Variants in NIF3L1 observed in about 807,000 individuals in gnomAD.
The protein encoded by NIF3L1 is NGG1 interacting factor 3 like 1.
NIF3L1 carries 26 observed loss-of-function variants against 35.0 expected under a neutral mutation model. That is an observed-to-expected ratio of 0.74 (90% CI 0.54 to 1.03). The LOEUF is 1.03. Ranked by LOEUF, NIF3L1 falls within the 50% of genes least tolerant of loss-of-function variation. The probability of loss-of-function intolerance (pLI) is 0.00; values close to 1 mark genes in which losing one functional copy is unlikely to be tolerated. For missense variants in NIF3L1, 449 were observed against 466.3 expected (o/e 0.96, Z 0.34); for synonymous variants, 157 against 178.9 (o/e 0.88, Z 0.98).
chr2:200,900,958 G>A (rs974102587), intron 6 of NIF3L1, among the ~76,000 whole-genome samples: 3 of 152,118 alleles, frequency 2.0e-5, no homozygotes, highest in African/African-American at 7.2e-5. Context: ...TGCATGTATA[G>A]ATACATAATA....
At chr2:200,897,922 A>G (rs1377232595) in intron 5 of NIF3L1, among the ~76,000 whole-genome samples, 3 of 152,212 alleles carry the variant, frequency 2.0e-5, no homozygotes, top group African/African-American at 7.2e-5. Flanking sequence ...TTCTGAGCTT[A>G]GACAACCTGG....
chr2:200,896,490 C>T (rs1575135692), intron 4 of NIF3L1, among the ~76,000 whole-genome samples: 1 of 152,252 alleles, frequency 6.6e-6, no homozygotes, highest in South Asian at 2.1e-4. Context: ...GTCCTTCCTC[C>T]AAGTACTCCC....
chr2:200,899,961 A>G (rs982785830), intron 6 of NIF3L1, among the ~76,000 whole-genome samples: 9 of 152,194 alleles, frequency 5.9e-5, no homozygotes, highest in Non-Finnish European at 1.0e-4. Context: ...TGCAAATTTG[A>G]TGGTCTTGAT....
At chr2:200,893,930 T>A (rs1486692756) in intron 3 of NIF3L1, among the ~76,000 whole-genome samples, 1 of 152,200 alleles carries the variant, frequency 6.6e-6, no homozygotes, top group African/African-American at 2.4e-5. Context: ...ATCCCAGCAC[T>A]TTGGGAGGCC....
chr2:200,896,771 A>G (rs1353966091), intron 4 of NIF3L1, among the ~76,000 whole-genome samples: 3 of 152,028 alleles, frequency 2.0e-5, no homozygotes, highest in Non-Finnish European at 4.4e-5. Context: ...TTTTGTGGAG[A>G]TGAGGTCTCA....
intron 1 of NIF3L1, among the ~76,000 whole-genome samples, chr2:200,891,039 A>G (rs1575130544): frequency 6.7e-6 from 1 of 150,344 alleles, no homozygotes; most frequent in South Asian, 2.1e-4. Context: ...GCTCACTGCA[A>G]CCTCCGCCTC....
At position 200,903,850 on chromosome 2, in the gene NIF3L1, T is replaced by A; in HGVS notation, c.*172T>A. The stretch of plus-strand genomic sequence containing the variant: ...TTCTATCGCTCGTAAGGTAAAACTG[T>A]AATATAACTACCATATTAAATAACA... On this transcript the variant is annotated 3_prime_UTR_variant, in exon 7 of 7. Transcript: ENST00000409020. The A allele has an allele frequency of 1.6e-6, 1 of 625,002 alleles. No individual in the cohort carries two copies. The highest frequency in any genetic ancestry group is 2.9e-6 in the Non-Finnish European group (1 of 346,124). 38.7% of individuals were successfully genotyped at this position (625,002 alleles called of 1,614,324 possible).
intron 5 of NIF3L1, 198 bp from the exon 6 acceptor site, chr2:200,899,176 TGCCTTGGGTTA>T (rs2040370435): frequency 2.5e-6 from 1 of 405,574 alleles, no homozygotes; most frequent in Non-Finnish European, 4.4e-6. Flanking sequence ...ATAATAACCA[TGCCTTGGGTTA>T]GCTATGCAAT....
chr2:200,897,151 C>G lies in NIF3L1; in HGVS notation c.802C>G (p.Arg268Gly). 1.9e-6 allele frequency: 3 copies of G among 1,613,864 alleles called. No individual in the cohort carries two copies. Among genetic ancestry groups the G allele is most frequent in the Non-Finnish European group, 2.5e-6 (3 of 1,179,954 alleles). The change falls in exon 5 of 7, where the codon CGA becomes GGA. Residue 268 changes from arginine (R) to glycine (G), a missense_variant. Physicochemically the swap from Arg to Gly is moderately radical, Grantham distance 125. Transcript: ENST00000409020. The stretch of plus-strand genomic sequence containing the variant: ...TGTCTCCCTGGCAACCATGATTGAT[C>G]GAATAAAAAGACACCTAAAACTATC... ...ESVSLATMIDRIKRHLKLSHI... is the reference protein window; with the variant it reads ...ESVSLATMIDGIKRHLKLSHI...
At chr2:200,901,946 CTACTATTATAGATTAAG>C (rs1231798473) in intron 6 of NIF3L1, among the ~76,000 whole-genome samples, 13 of 152,092 alleles carry the variant, frequency 8.5e-5, no homozygotes, top group African/African-American at 3.1e-4. Context: ...CTTTTTACTT[CTACTATTATAGATTAAG>C]ATGTTTTAAA....
chr2:200,889,749 CT>C (rs2040128544), intron 1 of NIF3L1, 97 bp downstream of exon 1: 1 of 152,390 alleles, frequency 6.6e-6, no homozygotes, highest in African/African-American at 2.4e-5. Context: ...TTGTTTCCAG[CT>C]TTACGTGTAA....
At chr2:200,896,480 G>A (rs2040316320) in intron 4 of NIF3L1, among the ~76,000 whole-genome samples, 1 of 152,040 alleles carries the variant, frequency 6.6e-6, no homozygotes, top group Non-Finnish European at 1.5e-5. Flanking sequence ...TAAGACCTAA[G>A]TCCTTCCTCC....
chr2:200,897,050 C>G, intron 4 of NIF3L1, 26 bp from the exon 5 acceptor site: 1 of 1,610,746 alleles, frequency 6.2e-7, no homozygotes, highest in Non-Finnish European at 8.5e-7. Flanking sequence ...CAATGCACAC[C>G]GTTTCTAACT....
Position 200,893,424 on chromosome 2 carries a change from CTCT to C in NIF3L1, c.599+18_599+20del. The C allele has an allele frequency of 6.2e-7, 1 of 1,612,614 alleles. No individual in the cohort carries two copies. Among genetic ancestry groups the C allele is most frequent in the Non-Finnish European group, 8.5e-7 (1 of 1,178,986 alleles). On this transcript the variant is annotated intron_variant, in intron 3 of 6. Coordinates refer to ENST00000409020, the MANE Select transcript of NIF3L1 (RefSeq NM_001369441.2). ...TTTCTGCTAGGTACAATTTATTTTT[CTCT>C]TTTTTTTGTGTGTATTTATTGGTAA...
intron 1 of NIF3L1, among the ~76,000 whole-genome samples, chr2:200,891,190 T>C (rs533670756): frequency 5.3e-4 from 80 of 152,200 alleles, no homozygotes; most frequent in African/African-American, 1.9e-3. Context: ...CTCTTGACTT[T>C]GTGATCCTCC....
At chr2:200,898,399 C>T (rs551239717) in intron 5 of NIF3L1, among the ~76,000 whole-genome samples, 280 of 152,254 alleles carry the variant, frequency 1.8e-3, no homozygotes, top group Admixed American at 4.3e-3. Flanking sequence ...TCGTGAGACT[C>T]ACGCATTATC....
chr2:200,889,916 G>A (rs566929840), intron 1 of NIF3L1, among the ~76,000 whole-genome samples: 1 of 152,092 alleles, frequency 6.6e-6, no homozygotes, highest in Admixed American at 6.5e-5. Context: ...TTCTGTTGTC[G>A]TTGTTGACTG....
At chr2:200,901,065 A>G (rs949914582) in intron 6 of NIF3L1, among the ~76,000 whole-genome samples, 1 of 152,216 alleles carries the variant, frequency 6.6e-6, no homozygotes, top group Admixed American at 6.5e-5. Context: ...TTACCTCTCA[A>G]TACTTCAGTG....
chr2:200,903,804 GTTAATC>G lies in NIF3L1; in HGVS notation c.*130_*135del, dbSNP rs2040452459. ...TCGAGGGTATCATCATTTCCGGTTT[GTTAATC>G]TTATTCACCAAATGTTCTATCGCTC... is the stretch of plus-strand genomic sequence containing the variant. On this transcript the variant is annotated 3_prime_UTR_variant, in exon 7 of 7. Transcript: ENST00000409020. 1 of 766,176 alleles carries G rather than the reference GTTAATC, an allele frequency of 1.3e-6. No homozygotes were observed. The highest frequency in any genetic ancestry group is 1.7e-5 in the African/African-American group (1 of 58,044). The allele number at this position is 766,176 out of a possible 1,614,324, so 47.5% of individuals were successfully genotyped here. A position where few individuals can be genotyped will look rare whatever the true frequency, so the allele number is the denominator to read the frequency against.
Sources: allele counts gnomAD v4.1 joint callset (sites outside exome capture counted in the v4.1 genomes callset), GRCh38; gene constraint gnomAD v4.1.1; transcripts MANE v1.5; gene names NCBI Gene and HGNC (gene_info 2026-07-23, HGNC 2026-07-21).